The following CALD1 variants were observed in gnomAD, a reference collection of about 807,000 sequenced individuals.
The protein encoded by CALD1 is caldesmon 1.
A neutral mutation model predicts 99.9 loss-of-function variants in CALD1; 33 were observed. The ratio of observed to expected loss-of-function variants is 0.33; its 90% CI spans 0.25 to 0.44. The LOEUF is 0.44. Among genes scored for constraint, CALD1 ranks in the 20% least tolerant of loss-of-function variants. The pLI, the probability that CALD1 is intolerant of heterozygous loss-of-function variation, is 1.00. For synonymous variants in CALD1, 310 were observed against 325.0 expected (o/e 0.95, Z 0.50); for missense variants, 861 against 962.1 (o/e 0.89, Z 1.39).
At chr7:134,938,098 T>A (rs1276430958) in intron 6 of CALD1, among the ~76,000 whole-genome samples, 1 of 152,172 alleles carries the variant, frequency 6.6e-6, no homozygotes, top group Non-Finnish European at 1.5e-5. Flanking sequence ...TCTGATTCCA[T>A]GAGGTCCATG....
At chr7:134,925,094 C>G (rs1202701455) in intron 3 of CALD1, among the ~76,000 whole-genome samples, 1 of 152,170 alleles carries the variant, frequency 6.6e-6, no homozygotes, top group Non-Finnish European at 1.5e-5. Flanking sequence ...GACTAATACA[C>G]TCTAGTAGCT....
chr7:134,958,954 AAT>A (rs1012992139), intron 11 of CALD1, among the ~76,000 whole-genome samples: 1 of 144,808 alleles, frequency 6.9e-6, no homozygotes, highest in African/African-American at 2.6e-5. Context: ...TATTCTGTCA[AAT>A]CTGGGTTTAA....
intron 3 of CALD1, among the ~76,000 whole-genome samples, chr7:134,914,729 T>C (rs76347330): frequency 0.041 from 6,193 of 152,318 alleles, 171 homozygotes; most frequent in Non-Finnish European, 0.065. Context: ...AAAGGTCCTC[T>C]TTCATTCCCC....
Position 134,935,324 on chromosome 7 carries a change from T to A in CALD1, c.1309-364T>A, listed in dbSNP as rs189106797. Among the ~76,000 whole-genome samples the A allele has an allele frequency of 2.2e-4, 34 of 152,326 alleles. No individual in the cohort carries two copies. The East Asian group carries it at 6.0e-3, about 27-fold the overall frequency. ...CTTTCCAGAGCAAATTCTCTGTCAC[T>A]AAGCCTGCATTGCACTGAAGGTATC... On this transcript the variant is annotated intron_variant, in intron 5 of 14. Transcript: ENST00000361675.
chr7:134,963,008 G>A (rs1266080388), intron 13 of CALD1: 4 of 445,850 alleles, frequency 9.0e-6, no homozygotes, highest in South Asian at 6.4e-5. Flanking sequence ...TTCTTAAAAG[G>A]ACTCTTTAAA....
At chr7:134,810,121 G>A (rs1798299327) in intron 1 of CALD1, among the ~76,000 whole-genome samples, 1 of 152,148 alleles carries the variant, frequency 6.6e-6, no homozygotes, top group Non-Finnish European at 1.5e-5. Flanking sequence ...ATAAACTTAA[G>A]GATCATAAAT....
intron 3 of CALD1, among the ~76,000 whole-genome samples, chr7:134,922,519 C>T (rs1050438547): frequency 7.9e-5 from 12 of 152,286 alleles, no homozygotes; most frequent in African/African-American, 2.6e-4. Context: ...TCAAACAAGA[C>T]GACCTATACT....
At chr7:134,741,329 T>G (rs867387596), upstream of CALD1, among the ~76,000 whole-genome samples, 1 of 152,142 alleles carries the variant, frequency 6.6e-6, no homozygotes, top group African/African-American at 2.4e-5. Flanking sequence ...TATCGGATCT[T>G]GTGAGAACTC....
chr7:134,836,143 C>CA (rs377048601), intron 1 of CALD1, among the ~76,000 whole-genome samples: 2,316 of 67,504 alleles, frequency 0.034, 82 homozygotes, highest in African/African-American at 0.086. Flanking sequence ...GACTTCATCT[C>CA]AAAAAAAAAA....
chr7:134,726,009 T>A, the CALD1 span, among the ~76,000 whole-genome samples: 1 of 152,238 alleles, frequency 6.6e-6, no homozygotes, highest in Non-Finnish European at 1.5e-5. Flanking sequence ...AAATTTCTAT[T>A]GTTTTAAGCT....
chr7:134,820,570 C>T (rs1798736464), intron 1 of CALD1, among the ~76,000 whole-genome samples: 1 of 152,140 alleles, frequency 6.6e-6, no homozygotes, highest in Non-Finnish European at 1.5e-5. Context: ...TTCACTGTTC[C>T]TGGAAGAAGT....
chr7:134,733,835 A>AC, the CALD1 span, among the ~76,000 whole-genome samples: 14 of 71,056 alleles, frequency 2.0e-4, no homozygotes, highest in Admixed American at 1.8e-3. Context: ...AACAAAAAAA[A>AC]ACAAAATAGG....
At chr7:134,791,825 T>G (rs536472333) in intron 1 of CALD1, among the ~76,000 whole-genome samples, 1 of 152,098 alleles carries the variant, frequency 6.6e-6, no homozygotes, top group African/African-American at 2.4e-5. Context: ...TTCCACATGA[T>G]TGGGGAGGCC....
At chr7:134,723,855 T>C in the CALD1 span, among the ~76,000 whole-genome samples, 1 of 152,172 alleles carries the variant, frequency 6.6e-6, no homozygotes, top group Non-Finnish European at 1.5e-5. Context: ...CAAAATCATG[T>C]TGGAAGTAGG....
chr7:134,911,484 T>C (rs1247828762), intron 3 of CALD1, among the ~76,000 whole-genome samples: 1 of 151,344 alleles, frequency 6.6e-6, no homozygotes, highest in Non-Finnish European at 1.5e-5. Context: ...TAAACACCAT[T>C]TTTGCAGTAA....
intron 1 of CALD1, among the ~76,000 whole-genome samples, chr7:134,795,872 G>T (rs762099569): frequency 2.6e-5 from 4 of 152,166 alleles, no homozygotes; most frequent in East Asian, 3.9e-4. Flanking sequence ...AGCTCCCTAC[G>T]ACCCTAAGAC....
chr7:134,805,213 C>T (rs1000854356), intron 1 of CALD1, among the ~76,000 whole-genome samples: 5 of 152,194 alleles, frequency 3.3e-5, no homozygotes, highest in Admixed American at 2.6e-4. Context: ...TCCTTCTCCT[C>T]ATTTCCCATG....
At chr7:134,761,855 G>GTAT (rs543710060) in intron 1 of CALD1, among the ~76,000 whole-genome samples, 9 of 152,110 alleles carry the variant, frequency 5.9e-5, no homozygotes, top group Admixed American at 2.6e-4. Context: ...ACCATTATTT[G>GTAT]TATTATTATT....
chr7:134,929,891 A>G lies in CALD1; in HGVS notation c.218+991A>G, dbSNP rs542592852. ...AATCTATACTGTTTTCTGGTAGGTT[A>G]TATCTTTAAATAAGGAAAAGTATTT... On this transcript the variant is annotated intron_variant, in intron 4 of 14. Coordinates refer to ENST00000361675, the MANE Select transcript of CALD1 (RefSeq NM_033138.4). Among the ~76,000 whole-genome samples, 503 of 151,546 alleles carry G rather than the reference A, an allele frequency of 3.3e-3. 4 individuals carry two copies. The highest frequency in any genetic ancestry group is 5.5e-3 in the Non-Finnish European group (376 of 67,846).
Sources: gnomAD v4.1 joint callset for allele counts (sites outside exome capture counted in the v4.1 genomes callset) on GRCh38, gnomAD v4.1.1 for gene constraint, MANE v1.5 for transcripts, NCBI Gene and HGNC (gene_info 2026-07-23, HGNC 2026-07-21) for gene names.